Variants in SNTG1 observed in about 807,000 individuals in gnomAD.
The protein encoded by SNTG1 is syntrophin gamma 1.
In SNTG1, 39 loss-of-function variants were observed where a neutral mutation model predicts 74.7. The observed-to-expected ratio is 0.52, with a 90% CI of 0.40 to 0.68. The LOEUF is 0.68. Among genes scored for constraint, SNTG1 ranks in the 30% least tolerant of loss-of-function variants. The pLI is 0.00. For synonymous variants in SNTG1, 254 were observed against 217.1 expected (o/e 1.17, Z -1.49); for missense variants, 685 against 609.5 (o/e 1.12, Z -1.30).
Position 50,657,036 on chromosome 8 carries a change from T to C in SNTG1, c.966+11T>C. 1 of 1,459,432 alleles carries C rather than the reference T, an allele frequency of 6.9e-7. No homozygotes were observed. The highest frequency in any genetic ancestry group is 9.2e-7 in the Non-Finnish European group (1 of 1,085,866). 90.4% of individuals were successfully genotyped at this position (1,459,432 alleles called of 1,614,324 possible). A position where few individuals can be genotyped will look rare whatever the true frequency, so the allele number is the denominator to read the frequency against. Reference sequence around the variant, plus strand: ...TTTCTGGCACCTCCAGTACGTGTTTTATTGAAATGTATTGGTCGTTTCCAT... The same window carrying C: ...TTTCTGGCACCTCCAGTACGTGTTTCATTGAAATGTATTGGTCGTTTCCAT... On this transcript the variant is annotated intron_variant, in intron 14 of 18. Coordinates refer to ENST00000642720, the MANE Select transcript of SNTG1 (RefSeq NM_018967.5).
At chr8:50,518,065 T>C (rs902297905) in intron 9 of SNTG1, among the ~76,000 whole-genome samples, 1 of 152,082 alleles carries the variant, frequency 6.6e-6, no homozygotes, top group Non-Finnish European at 1.5e-5. Flanking sequence ...AGTAAAACAC[T>C]CCTCTGCAAA....
chr8:50,031,827 T>A (rs1006767419), intron 1 of SNTG1, among the ~76,000 whole-genome samples: 57 of 152,140 alleles, frequency 3.7e-4, no homozygotes, highest in Non-Finnish European at 7.7e-4. Flanking sequence ...TAATACTGGC[T>A]GTATACAATG....
At chr8:50,474,643 T>C (rs2093681168) in intron 8 of SNTG1, among the ~76,000 whole-genome samples, 1 of 152,158 alleles carries the variant, frequency 6.6e-6, no homozygotes. Context: ...TGTAAACTAG[T>C]TCAAATGTTG....
chr8:50,449,789 T>A, intron 6 of SNTG1, 64 bp downstream of exon 6: 2 of 1,354,080 alleles, frequency 1.5e-6, no homozygotes, highest in South Asian at 3.3e-5. Flanking sequence ...AAGTGTGAGA[T>A]GATATTCAAG....
intron 2 of SNTG1, among the ~76,000 whole-genome samples, chr8:50,354,690 C>T (rs1215476964): frequency 6.6e-6 from 1 of 152,148 alleles, no homozygotes; most frequent in African/African-American, 2.4e-5. Context: ...GGAGTCCAAG[C>T]ACAGCTCAGG....
rs116654218 is a variant in SNTG1 at position 50,661,094 on chromosome 8, G to A, written c.1038+2431G>A. On this transcript the variant is annotated intron_variant, in intron 15 of 18. Transcript: ENST00000642720. Reference sequence around the variant, plus strand: ...TGAATGGTTTAATAGAAAATTAAATGTTTGCTATATACCAGGTAACCTCAG... The same window carrying A: ...TGAATGGTTTAATAGAAAATTAAATATTTGCTATATACCAGGTAACCTCAG... Among the ~76,000 whole-genome samples, 448 of 152,258 alleles carry A rather than the reference G, an allele frequency of 2.9e-3. 5 individuals carry two copies. Among genetic ancestry groups the A allele is most frequent in the African/African-American group, 0.011 (439 of 41,552 alleles).
chr8:50,095,791 G>GT (rs1246940787), intron 1 of SNTG1, among the ~76,000 whole-genome samples: 3 of 151,938 alleles, frequency 2.0e-5, no homozygotes, highest in East Asian at 1.9e-4. Flanking sequence ...GATTTTGTTT[G>GT]TTTTTTTAGA....
chr8:50,660,358 A>AAG (rs1294891794), intron 15 of SNTG1, among the ~76,000 whole-genome samples: 1 of 132,430 alleles, frequency 7.6e-6, no homozygotes, highest in Non-Finnish European at 1.6e-5. Flanking sequence ...GAAAGAAAGA[A>AAG]AGAGAGAGAG....
At chr8:50,259,585 A>T (rs1358945361) in intron 2 of SNTG1, among the ~76,000 whole-genome samples, 1 of 150,838 alleles carries the variant, frequency 6.6e-6, no homozygotes, top group Admixed American at 6.6e-5. Flanking sequence ...AAAATAAAGA[A>T]GAAAAGCACA....
chr8:50,754,155 G>T (rs2095574420), intron 18 of SNTG1, among the ~76,000 whole-genome samples: 1 of 152,004 alleles, frequency 6.6e-6, no homozygotes, highest in African/African-American at 2.4e-5. Context: ...CAATCGTAGT[G>T]TAGATGTTCT....
intron 15 of SNTG1, among the ~76,000 whole-genome samples, chr8:50,672,391 A>G (rs2095288353): frequency 6.6e-6 from 1 of 152,022 alleles, no homozygotes; most frequent in South Asian, 2.1e-4. Flanking sequence ...CTAGCATGAG[A>G]TGGTATCTCA....
intron 1 of SNTG1, among the ~76,000 whole-genome samples, chr8:50,049,011 A>G (rs1013261282): frequency 6.6e-6 from 1 of 152,102 alleles, no homozygotes; most frequent in Admixed American, 6.6e-5. Context: ...AGTTAAAAAA[A>G]CTATAATTGG....
intron 18 of SNTG1, among the ~76,000 whole-genome samples, chr8:50,768,465 G>A (rs1384355076): frequency 6.6e-6 from 1 of 152,016 alleles, no homozygotes; most frequent in African/African-American, 2.4e-5. Context: ...TTCAGAAGAA[G>A]ATGGCTGGTA....
At chr8:50,483,634 G>T (rs2093758774) in intron 8 of SNTG1, among the ~76,000 whole-genome samples, 1 of 151,962 alleles carries the variant, frequency 6.6e-6, no homozygotes, top group African/African-American at 2.4e-5. Context: ...CTCATGCAGT[G>T]GACGGAAATG....
At chr8:49,957,217 G>A (rs1162884056) in intron 1 of SNTG1, among the ~76,000 whole-genome samples, 2 of 152,136 alleles carry the variant, frequency 1.3e-5, no homozygotes, top group African/African-American at 4.8e-5. Flanking sequence ...TATGGGTCTT[G>A]TCTCATTCTC....
At chr8:50,650,027 T>C (rs2095135106) in intron 13 of SNTG1, among the ~76,000 whole-genome samples, 1 of 151,828 alleles carries the variant, frequency 6.6e-6, no homozygotes, top group South Asian at 2.1e-4. Flanking sequence ...TAGAAAATCA[T>C]TGATTGTTAG....
intron 4 of SNTG1, among the ~76,000 whole-genome samples, chr8:50,418,566 A>G (rs2093042254): frequency 1.3e-5 from 2 of 152,098 alleles, no homozygotes; most frequent in South Asian, 2.1e-4. Context: ...TCCAGCTTAT[A>G]TCTTACCCTG....
chr8:50,366,737 ATACATATATTTT>A (rs1480986749), intron 2 of SNTG1, among the ~76,000 whole-genome samples: 3 of 146,620 alleles, frequency 2.0e-5, no homozygotes, highest in Non-Finnish European at 4.5e-5. Context: ...ATATATGTGA[ATACATATATTTT>A]ATATATAATA....
At chr8:50,715,708 T>G (rs1376981604) in intron 17 of SNTG1, among the ~76,000 whole-genome samples, 1 of 152,194 alleles carries the variant, frequency 6.6e-6, no homozygotes, top group Non-Finnish European at 1.5e-5. Flanking sequence ...CCCACTCACA[T>G]GTATATTGAC....
Sources: allele counts gnomAD v4.1 joint callset (sites outside exome capture counted in the v4.1 genomes callset), GRCh38; gene constraint gnomAD v4.1.1; transcripts MANE v1.5; gene names NCBI Gene and HGNC (gene_info 2026-07-23, HGNC 2026-07-21).